The following AKT2 variants were observed in gnomAD, a reference collection of about 807,000 sequenced individuals.
AKT2 encodes RAC-beta serine/threonine-protein kinase.
In AKT2, 16 loss-of-function variants were observed where a neutral mutation model predicts 58.6. That is an observed-to-expected ratio of 0.27 (90% CI 0.18 to 0.41). AKT2 has a LOEUF of 0.41. AKT2 is among the 10% of genes least tolerant of loss of function. The pLI is 1.00. For missense variants in AKT2, 438 were observed against 661.0 expected (o/e 0.66, Z 3.70); for synonymous variants, 253 against 254.0 (o/e 1.00, Z 0.04).
At chr19:40,274,899 G>C (rs982172140) in intron 1 of AKT2, 8 of 362,056 alleles carry the variant, frequency 2.2e-5, no homozygotes, top group Non-Finnish European at 3.9e-5. Flanking sequence ...GCTGGGGAGT[G>C]GGGGAGGGGC....
At position 40,238,162 on chromosome 19, in the gene AKT2, C is replaced by T; in HGVS notation, c.709-71G>A. 6.5e-7 allele frequency: 1 copy of T among 1,541,020 alleles called. No homozygotes were observed. Among genetic ancestry groups the T allele is most frequent in the Non-Finnish European group, 8.8e-7 (1 of 1,141,906 alleles). ...CCACCTGCCCTCACCTTCCCAGCCC[C>T]CTGCCCCAGCGCAGTGATGTGGTGA... is the stretch of plus-strand genomic sequence containing the variant. On this transcript the variant is annotated intron_variant, in intron 8 of 13. Coordinates refer to ENST00000392038, the MANE Select transcript of AKT2 (RefSeq NM_001626.6). This position sits in a 1 kb window ranked among gnomAD's most constrained non-coding sequence, Gnocchi z 5.1.
Position 40,240,034 on chromosome 19 carries a change from G to C in AKT2, c.639+11C>G, listed in dbSNP as rs367714258. ...GGCCTCACACTGTCTGGGAAGGGGAGGGCAACTCACAGTGAGGAACGGGTG... is the reference window on the plus strand; with the variant it reads ...GGCCTCACACTGTCTGGGAAGGGGACGGCAACTCACAGTGAGGAACGGGTG... On this transcript the variant is annotated intron_variant, in intron 7 of 13. Transcript: ENST00000392038. The C allele has an allele frequency of 8.7e-6, 14 of 1,613,622 alleles. No individual in the cohort carries two copies. The highest frequency in any genetic ancestry group is 1.2e-5 in the Non-Finnish European group (14 of 1,179,666).
chr19:40,232,110 T>C lies in AKT2; in HGVS notation c.*1762A>G, dbSNP rs1393449025. On this transcript the variant is annotated 3_prime_UTR_variant, in exon 14 of 14. Coordinates refer to ENST00000392038, the MANE Select transcript of AKT2 (RefSeq NM_001626.6). ...GGTCTCTGTCCACCCCACCCCCACA[T>C]GCGGGGAGCCTTCCCATACCCCTCA... 6 of 233,022 alleles carry C rather than the reference T, an allele frequency of 2.6e-5. No individual in the cohort carries two copies. In the East Asian group the frequency reaches 3.0e-4, roughly 12 times the overall value. The allele number at this position is 233,022 out of a possible 1,614,324, so 14.4% of individuals were successfully genotyped here. A position where few individuals can be genotyped will look rare whatever the true frequency, so the allele number is the denominator to read the frequency against.
chr19:40,246,663 A>C (rs374070630), intron 4 of AKT2, among the ~76,000 whole-genome samples: 1 of 152,228 alleles, frequency 6.6e-6, no homozygotes, highest in Non-Finnish European at 1.5e-5. Flanking sequence ...TTTGTTTTCA[A>C]AGACAGGGGT....
chr19:40,276,955 C>A (rs1423431768), intron 1 of AKT2, among the ~76,000 whole-genome samples: 2 of 152,242 alleles, frequency 1.3e-5, no homozygotes, highest in South Asian at 4.1e-4. Flanking sequence ...CCAGTGAGGT[C>A]AAGGCTGCAA....
At position 40,265,229 on chromosome 19, in the gene AKT2, G is replaced by T; in HGVS notation, c.39C>A (p.His13Gln). ...EVSVIKEGWL[H>Q]KRGEYIKTWR... ...GCAAAAGCGGCCTCTTACCACGCTT[G>T]TGGAGCCAGCCTTCTTTGATGACAG... The change falls in exon 2 of 14, where the codon CAC (histidine) becomes CAA (glutamine). Residue 13 changes from histidine to glutamine, a missense_variant. Coordinates refer to ENST00000392038, the MANE Select transcript of AKT2 (RefSeq NM_001626.6). The T allele has an allele frequency of 6.2e-7, 1 of 1,613,282 alleles. No individual in the cohort carries two copies. Among genetic ancestry groups the T allele is most frequent in the Non-Finnish European group, 8.5e-7 (1 of 1,179,718 alleles).
rs1231774853 is a variant in AKT2 at position 40,242,255 on chromosome 19, A to G, written c.442-186T>C. 4.2e-6 allele frequency: 4 copies of G among 947,410 alleles called. No individual in the cohort carries two copies. Among genetic ancestry groups the G allele is most frequent in the Non-Finnish European group, 6.4e-6 (4 of 621,560 alleles). 58.7% of individuals were successfully genotyped at this position (947,410 alleles called of 1,614,324 possible). ...GGCCTTCAGACCAGGCTCTGCAGGC[A>G]CAGGGCCTTGGGAGGGCTGGGCTCT... On this transcript the variant is annotated intron_variant, in intron 5 of 13. Transcript: ENST00000392038. The surrounding 1 kb of genome is among the most constrained non-coding windows in gnomAD (Gnocchi z 4.3).
chr19:40,258,656 TAAAAAA>T (rs775016321), intron 2 of AKT2, among the ~76,000 whole-genome samples: 1 of 108,356 alleles, frequency 9.2e-6, no homozygotes, highest in Non-Finnish European at 2.0e-5. Flanking sequence ...CCCTAGCTCT[TAAAAAA>T]AAAAAAAAAA....
At chr19:40,239,611 C>A (rs1974260791) in intron 7 of AKT2, 1 of 359,410 alleles carries the variant, frequency 2.8e-6, no homozygotes. Context: ...TGGCCACTGG[C>A]CTTGATGGAG....
intron 10 of AKT2, 52 bp from the exon 11 acceptor site, chr19:40,236,156 C>T: frequency 6.2e-7 from 1 of 1,613,374 alleles, no homozygotes; most frequent in Non-Finnish European, 8.5e-7. Flanking sequence ...AGGCTGGCAT[C>T]ACAGTCCTGC....
Position 40,230,575 on chromosome 19 carries a change from A to G in AKT2, c.*3297T>C. Reference sequence around the variant, plus strand: ...CTGGAAAAGATTACACAAAAAGAGCAGGAAACTACCAATTTATGATGCCGT... The same window carrying G: ...CTGGAAAAGATTACACAAAAAGAGCGGGAAACTACCAATTTATGATGCCGT... On this transcript the variant is annotated 3_prime_UTR_variant, in exon 14 of 14. Transcript: ENST00000392038. The G allele has an allele frequency of 8.8e-6, 2 of 228,492 alleles. No individual in the cohort carries two copies. The highest frequency in any genetic ancestry group is 1.7e-5 in the Non-Finnish European group (2 of 115,036). 14.2% of individuals were successfully genotyped at this position (228,492 alleles called of 1,614,324 possible).
chr19:40,238,330 G>A lies in AKT2; in HGVS notation c.709-239C>T, dbSNP rs1250414310. On this transcript the variant is annotated intron_variant, in intron 8 of 13. Coordinates refer to ENST00000392038, the MANE Select transcript of AKT2 (RefSeq NM_001626.6). The surrounding 1 kb of genome is among the most constrained non-coding windows in gnomAD (Gnocchi z 5.1). Reference sequence around the variant, plus strand: ...GAGAGGGTATGGGAGAGACATCCGAGACAGGAGGGAGGATGGCATGGAGGC... The same window carrying A: ...GAGAGGGTATGGGAGAGACATCCGAAACAGGAGGGAGGATGGCATGGAGGC... Among the ~76,000 whole-genome samples the A allele has an allele frequency of 6.6e-6, 1 of 152,234 alleles. No individual in the cohort carries two copies. The highest frequency in any genetic ancestry group is 2.4e-5 in the African/African-American group (1 of 41,460).
Position 40,234,669 on chromosome 19 carries a change from G to C in AKT2, c.1366+376C>G. On this transcript the variant is annotated intron_variant, in intron 13 of 13. Coordinates refer to ENST00000392038, the MANE Select transcript of AKT2 (RefSeq NM_001626.6). This position sits in a 1 kb window ranked among gnomAD's most constrained non-coding sequence, Gnocchi z 4.7. ...CCAGGCCGCCCACCCTACCTGGGCTGGGAGCTTTCCAGGGCAGGGCCCAGG... is the reference window on the plus strand; with the variant it reads ...CCAGGCCGCCCACCCTACCTGGGCTCGGAGCTTTCCAGGGCAGGGCCCAGG... 3 of 566,150 alleles carry C rather than the reference G, an allele frequency of 5.3e-6. No homozygotes were observed. In the South Asian group the frequency reaches 7.3e-5, roughly 14 times the overall value. The allele number at this position is 566,150 out of a possible 1,614,324, so 35.1% of individuals were successfully genotyped here.
Position 40,242,128 on chromosome 19 carries a change from A to G in AKT2, c.442-59T>C. On this transcript the variant is annotated intron_variant, in intron 5 of 13. Transcript: ENST00000392038. The surrounding 1 kb of genome is among the most constrained non-coding windows in gnomAD (Gnocchi z 4.3). Reference sequence around the variant, plus strand: ...GCCTGGCTCATGGCCCGTGGGAGGAAATTTTAACAAAAGAAAGAGGAAAAC... The same window carrying G: ...GCCTGGCTCATGGCCCGTGGGAGGAGATTTTAACAAAAGAAAGAGGAAAAC... 6.2e-7 allele frequency: 1 copy of G among 1,609,528 alleles called. No individual in the cohort carries two copies. The highest frequency in any genetic ancestry group is 8.5e-7 in the Non-Finnish European group (1 of 1,177,634).
At chr19:40,247,999 A>G (rs1041993749) in intron 4 of AKT2, among the ~76,000 whole-genome samples, 1 of 152,220 alleles carries the variant, frequency 6.6e-6, no homozygotes, top group Admixed American at 6.5e-5. Flanking sequence ...GGAAGGGCAC[A>G]GTACGGGGCA....
chr19:40,278,895 G>A (rs948290355), intron 1 of AKT2, among the ~76,000 whole-genome samples: 5 of 151,780 alleles, frequency 3.3e-5, no homozygotes, highest in East Asian at 3.9e-4. Flanking sequence ...CGAGAGGGGT[G>A]CCAAGAGCAG....
chr19:40,233,615 C>T lies in AKT2; in HGVS notation c.*257G>A, dbSNP rs140411527. On this transcript the variant is annotated 3_prime_UTR_variant, in exon 14 of 14. Transcript: ENST00000392038. This position sits in a 1 kb window ranked among gnomAD's most constrained non-coding sequence, Gnocchi z 4.3. ...GTGGATTAAAACCTGAATCTCCAAC[C>T]GCCCAACAGCCCAGGCCTGGGCGGG... 9.7e-4 allele frequency: 718 copies of T among 741,384 alleles called. 1 individual carries two copies. Among genetic ancestry groups the T allele is most frequent in the African/African-American group, 2.5e-3 (148 of 58,836 alleles). 45.9% of individuals were successfully genotyped at this position (741,384 alleles called of 1,614,324 possible).
chr19:40,263,913 C>T (rs577159674), intron 2 of AKT2, among the ~76,000 whole-genome samples: 5 of 152,314 alleles, frequency 3.3e-5, no homozygotes, highest in African/African-American at 9.6e-5. Flanking sequence ...TCAGATGCCC[C>T]CTTCTCAGCG....
intron 1 of AKT2, among the ~76,000 whole-genome samples, chr19:40,281,767 G>T (rs1411394149): frequency 6.6e-6 from 1 of 152,246 alleles, no homozygotes; most frequent in African/African-American, 2.4e-5. Flanking sequence ...GAAATACTAA[G>T]AATTACAATT....
Sources: allele counts gnomAD v4.1 joint callset (sites outside exome capture counted in the v4.1 genomes callset), GRCh38; gene constraint gnomAD v4.1.1; non-coding constraint Gnocchi (gnomAD v3.1); transcripts MANE v1.5; gene names NCBI Gene and HGNC (gene_info 2026-07-23, HGNC 2026-07-21).